Variants in INTS11 observed in about 807,000 individuals in gnomAD.
INTS11 encodes the protein integrator complex subunit 11.
INTS11 carries 77 observed loss-of-function variants against 78.6 expected under a neutral mutation model. The observed-to-expected ratio is 0.98, with a 90% CI of 0.81 to 1.18. The LOEUF is 1.18. INTS11 is among the 50% of genes most tolerant of loss of function. The pLI, the probability that INTS11 is intolerant of heterozygous loss-of-function variation, is 0.00. For synonymous variants in INTS11, 441 were observed against 326.9 expected, an observed-to-expected ratio of 1.35 and a Z score of -3.77; for missense variants, 875 against 825.9, an observed-to-expected ratio of 1.06 and a Z score of -0.73.
chr1:1,315,504 A>G lies in INTS11; in HGVS notation c.528+16T>C. The G allele has an allele frequency of 6.2e-7, 1 of 1,612,536 alleles. No homozygotes were observed. The highest frequency in any genetic ancestry group is 2.2e-5 in the East Asian group (1 of 44,818). ...ACCCCAGCAGCCCCTCCCAAGCCTC[A>G]AGCCCTTCCACTGACCGTGTAGACC... On this transcript the variant is annotated intron_variant, in intron 5 of 16. Coordinates refer to ENST00000435064, the MANE Select transcript of INTS11 (RefSeq NM_017871.6).
chr1:1,312,474 C>T lies in INTS11; in HGVS notation c.1430G>A (p.Arg477Gln), dbSNP rs531991089. ...QGLLPEAKKP[R>Q]LLHGTLIMKD... Reference sequence around the variant, plus strand: ...CATGATCAGGGTGCCGTGCAGGAGCCGAGGCTTCTTGGCCTCAGGGAGCAG... The same window carrying T: ...CATGATCAGGGTGCCGTGCAGGAGCTGAGGCTTCTTGGCCTCAGGGAGCAG... Residue 477 changes from arginine (R) to glutamine (Q), a missense_variant, in exon 14 of 17, where the codon CGG becomes CAG. Coordinates refer to ENST00000435064, the MANE Select transcript of INTS11 (RefSeq NM_017871.6). 38 of 1,577,502 alleles carry T rather than the reference C, an allele frequency of 2.4e-5. No individual in the cohort carries two copies. The highest frequency in any genetic ancestry group is 5.7e-5 in the South Asian group (5 of 87,010).
chr1:1,320,146 G>A (rs1642858870), intron 3 of INTS11: 2 of 356,250 alleles, frequency 5.6e-6, no homozygotes, highest in African/African-American at 2.1e-5. Context: ...GGGCAGACTC[G>A]GGACTCTGGA....
In INTS11 at chr1:1,314,025, AC is replaced by A. The variant is rs1642418010; in HGVS notation, c.768-105del. The A allele has an allele frequency of 8.2e-7, 1 of 1,221,672 alleles. No individual in the cohort carries two copies. Among genetic ancestry groups the A allele is most frequent in the African/African-American group, 1.5e-5 (1 of 67,054 alleles). 75.7% of individuals were successfully genotyped at this position (1,221,672 alleles called of 1,614,324 possible). A position where few individuals can be genotyped will look rare whatever the true frequency, so the allele number is the denominator to read the frequency against. ...ACACCCGTGTCTGCACAGCCCACGC[AC>A]GGGCCAGGTTGAGTCCAGTCGCGAC... On this transcript the variant is annotated intron_variant, in intron 8 of 16. Transcript: ENST00000435064. The surrounding 1 kb of genome is among the most constrained non-coding windows in gnomAD (Gnocchi z 4.2).
Position 1,319,340 on chromosome 1 carries a change from AGT to A in INTS11, c.383_384del (p.Asp128ValfsTer18), listed in dbSNP as rs1356043217. On this transcript the variant is annotated frameshift_variant, in exon 4 of 17. Transcript: ENST00000435064. LOFTEE classifies it high-confidence loss of function. ...ANFFTSQMIK[D>X]CMKKVVAVHL... ...TGGACAGCCACCACCTTCTTCATGCAGTCTTTGATCATCTGGGAGGTGAAGAA... is the reference window on the plus strand; with the variant it reads ...TGGACAGCCACCACCTTCTTCATGCACTTTGATCATCTGGGAGGTGAAGAA... 1.9e-6 allele frequency: 3 copies of A among 1,613,194 alleles called. No individual in the cohort carries two copies. In the African/African-American group the frequency reaches 4.0e-5, roughly 22 times the overall value.
At chr1:1,312,754 G>A (rs944661599) in intron 12 of INTS11, 33 bp downstream of exon 12, 11 of 1,597,572 alleles carry the variant, frequency 6.9e-6, no homozygotes, top group Non-Finnish European at 9.4e-6. Context: ...GCTGACCCGA[G>A]GTGGGCCCCA....
At chr1:1,318,838 A>G (rs1457869366) in intron 4 of INTS11, 1 of 616,460 alleles carries the variant, frequency 1.6e-6, no homozygotes, top group Non-Finnish European at 3.0e-6. Context: ...ATGGAATTTC[A>G]CCTGTCACTC....
chr1:1,315,173 A>T lies in INTS11; in HGVS notation c.564-211T>A, dbSNP rs113449676. The T allele has an allele frequency of 3.0e-5, 22 of 725,152 alleles. No individual in the cohort carries two copies. In the African/African-American group the frequency reaches 3.9e-4, roughly 13 times the overall value. The allele number at this position is 725,152 out of a possible 1,614,324, so 44.9% of individuals were successfully genotyped here. ...CACCCAGACACTTCGGAAGAGCGAGACAGAGGCACCCACCCAGAGACTTGG... is the reference window on the plus strand; with the variant it reads ...CACCCAGACACTTCGGAAGAGCGAGTCAGAGGCACCCACCCAGAGACTTGG... On this transcript the variant is annotated intron_variant, in intron 6 of 16. Transcript: ENST00000435064.
At position 1,312,506 on chromosome 1, in the gene INTS11, G is replaced by A. The variant is rs150027275; in HGVS notation, c.1403-5C>T. The A allele has an allele frequency of 2.0e-5, 31 of 1,582,354 alleles. No individual in the cohort carries two copies. The highest frequency in any genetic ancestry group is 1.8e-4 in the Middle Eastern group (1 of 5,642). ...TCTTGGCCTCAGGGAGCAGCCCTGC[G>A]GAGGAGGTGGCAGGAGCCATCAATG... On this transcript the variant is annotated splice_region_variant and splice_polypyrimidine_tract_variant and intron_variant, in intron 13 of 16. Transcript: ENST00000435064.
At position 1,312,213 on chromosome 1, in the gene INTS11, G is replaced by GGGGGGGGGGGGGGGCC; in HGVS notation, c.1607+12_1607+13insGGCCCCCCCCCCCCCC. 1 of 934,630 alleles carries GGGGGGGGGGGGGGGCC rather than the reference G, an allele frequency of 1.1e-6. No individual in the cohort carries two copies. The highest frequency in any genetic ancestry group is 1.6e-6 in the Non-Finnish European group (1 of 636,678). 57.9% of individuals were successfully genotyped at this position (934,630 alleles called of 1,614,324 possible). A position where few individuals can be genotyped will look rare whatever the true frequency, so the allele number is the denominator to read the frequency against. On this transcript the variant is annotated intron_variant, in intron 15 of 16. Transcript: ENST00000435064. ...CCCAAGGGAGTGGGGGGGGGGCGGG[G>GGGGGGGGGGGGGGGCC]CCGGGCGCCCACCTCTTGAGGTGGC...
chr1:1,319,532 G>A lies in INTS11; in HGVS notation c.201-8C>T, dbSNP rs1006256897. ...TGGTCCAGGTGGAAGTGGCTAGGGG[G>A]ACGCAGCACAGGTCAGCCTGGGCCC... is the stretch of plus-strand genomic sequence containing the variant. On this transcript the variant is annotated splice_polypyrimidine_tract_variant and splice_region_variant and intron_variant, in intron 3 of 16. Transcript: ENST00000435064. 1.9e-6 allele frequency: 3 copies of A among 1,560,114 alleles called. No individual in the cohort carries two copies. The highest frequency in any genetic ancestry group is 1.2e-5 in the South Asian group (1 of 82,688).
At chr1:1,323,276 C>T in intron 1 of INTS11, 2 of 1,550,034 alleles carry the variant, frequency 1.3e-6, no homozygotes, top group Non-Finnish European at 1.7e-6. Flanking sequence ...CAGGACAGCA[C>T]AGGGCAGGCA....
intron 1 of INTS11, chr1:1,321,952 A>G (rs1371221642): frequency 3.1e-6 from 4 of 1,271,528 alleles, no homozygotes; most frequent in East Asian, 8.8e-5. Context: ...AGCACCACAC[A>G]TCAGGATGAC....
chr1:1,319,795 C>T (rs1237179590), intron 3 of INTS11: 1 of 465,384 alleles, frequency 2.1e-6, no homozygotes, highest in Non-Finnish European at 3.9e-6. Context: ...GGGAACCGCG[C>T]ATAGGGGAGC....
At chr1:1,322,033 C>G in intron 1 of INTS11, 2 of 1,227,724 alleles carry the variant, frequency 1.6e-6, no homozygotes, top group Non-Finnish European at 2.1e-6. Flanking sequence ...TGTTCCTGCC[C>G]CCGCTGGGTG....
At chr1:1,323,120 G>C in intron 1 of INTS11, 1 of 1,544,450 alleles carries the variant, frequency 6.5e-7, no homozygotes. Flanking sequence ...GCACAGGCCA[G>C]GGGTGTTCAC....
intron 3 of INTS11, chr1:1,319,951 G>A (rs188636768): frequency 4.0e-4 from 83 of 209,534 alleles, no homozygotes; most frequent in Non-Finnish European, 7.0e-4. Context: ...ACCACGAGGG[G>A]CTCAGGGGCA....
intron 1 of INTS11, 21 bp downstream of exon 1, chr1:1,324,560 C>G (rs370592215): frequency 5.7e-6 from 9 of 1,590,266 alleles, no homozygotes; most frequent in Non-Finnish European, 7.7e-6. Context: ...CCCCACAGCC[C>G]TCCCGGCGGC....
intron 8 of INTS11, 72 bp from the exon 9 acceptor site, chr1:1,313,993 AC>A (rs1642415339): frequency 4.1e-6 from 6 of 1,470,736 alleles, no homozygotes; most frequent in Non-Finnish European, 5.6e-6. Flanking sequence ...CGGCCGGGTC[AC>A]CCCCAACACC....
In INTS11 at chr1:1,314,203, C is replaced by T. The variant is rs1642431710; in HGVS notation, c.767+98G>A. 4 of 1,192,158 alleles carry T rather than the reference C, an allele frequency of 3.4e-6. No individual in the cohort carries two copies. In the South Asian group the frequency reaches 5.2e-5, roughly 16 times the overall value. The allele number at this position is 1,192,158 out of a possible 1,614,324, so 73.8% of individuals were successfully genotyped here. A position where few individuals can be genotyped will look rare whatever the true frequency, so the allele number is the denominator to read the frequency against. ...CCCCCAGGACAGCAGCAAGCAGGGC[C>T]AAGATGCCACCGCTACGCTGGACAG... is the stretch of plus-strand genomic sequence containing the variant. On this transcript the variant is annotated intron_variant, in intron 8 of 16. Coordinates refer to ENST00000435064, the MANE Select transcript of INTS11 (RefSeq NM_017871.6). The surrounding 1 kb of genome is among the most constrained non-coding windows in gnomAD (Gnocchi z 4.2).
Sources: gnomAD v4.1 joint callset for allele counts on GRCh38, gnomAD v4.1.1 for gene constraint, Gnocchi (gnomAD v3.1) non-coding constraint, MANE v1.5 for transcripts, NCBI Gene and HGNC (gene_info 2026-07-23, HGNC 2026-07-21) for gene names.